The following ZNF462 variants were observed in gnomAD, a reference collection of about 807,000 sequenced individuals.
ZNF462 encodes the protein zinc finger protein 462.
Under a neutral mutation model 201.9 loss-of-function variants are expected in ZNF462, and 10 were observed. That is an observed-to-expected ratio of 0.05 (90% CI 0.03 to 0.08). ZNF462 has a LOEUF of 0.08. Ranked by LOEUF, ZNF462 falls within the 10% of genes least tolerant of loss-of-function variation. The pLI, the probability that ZNF462 is intolerant of heterozygous loss-of-function variation, is 1.00. For missense variants in ZNF462, 2,523 were observed against 3,168.3 expected, an observed-to-expected ratio of 0.80 and a Z score of 4.89; for synonymous variants, 1,227 against 1,193.3, an observed-to-expected ratio of 1.03 and a Z score of -0.58.
In ZNF462 at chr9:106,929,169, T is replaced by TC; in HGVS notation, c.5261dup (p.Gln1755SerfsTer60). ...CATCCCATCCCCGCCCAAGGACGAC[T>TC]CCCCTCAGCTGAGCGAGGAACTCCG... is the stretch of plus-strand genomic sequence containing the variant. On this transcript the variant is annotated frameshift_variant, in exon 3 of 13. Transcript: ENST00000277225. LOFTEE classifies it high-confidence loss of function. The surrounding 1 kb of genome is among the most constrained non-coding windows in gnomAD (Gnocchi z 8.7). The TC allele has an allele frequency of 6.2e-7, 1 of 1,613,940 alleles. No individual in the cohort carries two copies. The highest frequency in any genetic ancestry group is 8.5e-7 in the Non-Finnish European group (1 of 1,179,980).
rs745668604 is a variant in ZNF462, at chr9:106,872,251, T to C, written c.-31+8896T>C. Among the ~76,000 whole-genome samples, 1 of 152,242 alleles carries C rather than the reference T, an allele frequency of 6.6e-6. No homozygotes were observed. Among genetic ancestry groups the C allele is most frequent in the Non-Finnish European group, 1.5e-5 (1 of 68,048 alleles). ...GATAGATACCAGCTACAAGTACTTATCACCCAGAATCTTTTCTCTTCAGTG... is the reference window on the plus strand; with the variant it reads ...GATAGATACCAGCTACAAGTACTTACCACCCAGAATCTTTTCTCTTCAGTG... On this transcript the variant is annotated intron_variant, in intron 1 of 12. Transcript: ENST00000277225. The surrounding 1 kb of genome is among the most constrained non-coding windows in gnomAD (Gnocchi z 4.5).
chr9:107,007,414 C>G (rs925454594), intron 11 of ZNF462, among the ~76,000 whole-genome samples: 1 of 152,162 alleles, frequency 6.6e-6, no homozygotes, highest in Non-Finnish European at 1.5e-5. Flanking sequence ...AGGGTCTCCT[C>G]TTCTCACTGG....
Position 106,938,786 on chromosome 9 carries a change from G to A in ZNF462, c.6236-130G>A, listed in dbSNP as rs923622564. 2 of 985,244 alleles carry A rather than the reference G, an allele frequency of 2.0e-6. No individual in the cohort carries two copies. The highest frequency in any genetic ancestry group is 2.9e-6 in the Non-Finnish European group (2 of 678,664). 61.0% of individuals were successfully genotyped at this position (985,244 alleles called of 1,614,324 possible). A position where few individuals can be genotyped will look rare whatever the true frequency, so the allele number is the denominator to read the frequency against. On this transcript the variant is annotated intron_variant, in intron 6 of 12. Transcript: ENST00000277225. This position sits in a 1 kb window ranked among gnomAD's most constrained non-coding sequence, Gnocchi z 4.4. ...GGCAGGTTGTTGGTCTGTGAGGTTC[G>A]TTCATAGAACATGAAGCTTGAGATG...
chr9:106,958,203 T>C (rs1472794527), intron 7 of ZNF462, among the ~76,000 whole-genome samples: 1 of 149,008 alleles, frequency 6.7e-6, no homozygotes, highest in Non-Finnish European at 1.5e-5. Context: ...AAGCCTCCTT[T>C]CCCATCTGAG....
At chr9:107,004,755 T>C (rs757360891) in intron 11 of ZNF462, among the ~76,000 whole-genome samples, 41 of 152,164 alleles carry the variant, frequency 2.7e-4, no homozygotes, top group Non-Finnish European at 5.1e-4. Context: ...CTCTTAGCAA[T>C]TGTCAGGTAT....
chr9:106,965,791 A>G (rs6477551), intron 7 of ZNF462, among the ~76,000 whole-genome samples: 41,942 of 152,006 alleles, frequency 0.28, 9,068 homozygotes, highest in African/African-American at 0.61. Context: ...CCATTGCAGA[A>G]TTCTGTTTCT....
In ZNF462 at chr9:106,923,250, A is replaced by G; in HGVS notation, c.-30-104A>G. ...TGGCAAAGTCCAATAAGAGAAATCT[A>G]CTGATACTGGAATTTTTTCCCATTA... On this transcript the variant is annotated intron_variant, in intron 1 of 12. Transcript: ENST00000277225. This position sits in a 1 kb window ranked among gnomAD's most constrained non-coding sequence, Gnocchi z 5.6. The G allele has an allele frequency of 2.5e-6, 2 of 791,666 alleles. No homozygotes were observed. Among genetic ancestry groups the G allele is most frequent in the Non-Finnish European group, 4.1e-6 (2 of 484,272 alleles). The allele number at this position is 791,666 out of a possible 1,614,324, so 49.0% of individuals were successfully genotyped here.
chr9:106,924,349 G>T lies in ZNF462; in HGVS notation c.437G>T (p.Gly146Val), dbSNP rs776197342. 1.2e-5 allele frequency: 20 copies of T among 1,613,990 alleles called. No individual in the cohort carries two copies. Among genetic ancestry groups the T allele is most frequent in the Non-Finnish European group, 1.1e-5 (13 of 1,180,044 alleles). The change falls in exon 3 of 13, where the codon GGA becomes GTA. Residue 146 changes from glycine (G) to valine (V), a missense_variant. Gly to Val is a moderately radical substitution (Grantham distance 109). Transcript: ENST00000277225. The surrounding 1 kb of genome is among the most constrained non-coding windows in gnomAD (Gnocchi z 6.2). Reference protein sequence around the residue: ...EGSSSGPPVPGSLNYNIMMHE... With the variant: ...EGSSSGPPVPVSLNYNIMMHE... ...AGTTCATCAGGACCCCCTGTCCCGG[G>T]ATCCTTAAATTATAATATCATGATG...
rs781596783 is a variant in ZNF462 at position 106,928,670 on chromosome 9, C to T, written c.4758C>T (p.His1586=). 14 of 1,614,022 alleles carry T rather than the reference C, an allele frequency of 8.7e-6. No individual in the cohort carries two copies. The highest frequency in any genetic ancestry group is 1.7e-5 in the Admixed American group (1 of 60,004). The change falls in exon 3 of 13, where the codon CAC becomes CAT. Residue 1586 remains histidine (H), a synonymous_variant. Transcript: ENST00000277225. The surrounding 1 kb of genome is among the most constrained non-coding windows in gnomAD (Gnocchi z 9.3). ...GGTGCAAACTGTGTCCGTACACACA[C>T]GGCACTTTGGAGAAACTAAAAATCC... The part of the protein sequence containing the change: ...AYRCKLCPYT[H]GTLEKLKIHY...
At chr9:106,960,423 T>C (rs1468306568) in intron 7 of ZNF462, among the ~76,000 whole-genome samples, 1 of 152,128 alleles carries the variant, frequency 6.6e-6, no homozygotes, top group Non-Finnish European at 1.5e-5. Flanking sequence ...CTGAGGTTGC[T>C]CACAAGCTCT....
At chr9:106,862,645 G>C (rs1432335022), upstream of ZNF462, among the ~76,000 whole-genome samples, 1 of 151,670 alleles carries the variant, frequency 6.6e-6, no homozygotes, top group Non-Finnish European at 1.5e-5. This position sits in a 1 kb window ranked among gnomAD's most constrained non-coding sequence, Gnocchi z 4.2. Context: ...CATCTCACTG[G>C]CCTGGCTCTG....
chr9:107,012,439 C>CTT lies in ZNF462; in HGVS notation c.*1433_*1434dup, dbSNP rs962253808. Reference sequence around the variant, plus strand: ...GCCTGGAGAACTACTTTCTTTCTTTCTTTTTTTTTTTTTTTTTTTTTTTTT... The same window carrying CTT: ...GCCTGGAGAACTACTTTCTTTCTTTCTTTTTTTTTTTTTTTTTTTTTTTTTTT... On this transcript the variant is annotated 3_prime_UTR_variant, in exon 13 of 13. Transcript: ENST00000277225. 0.035 allele frequency: 3,015 copies of CTT among 86,360 alleles called. 164 individuals carry two copies. Among genetic ancestry groups the CTT allele is most frequent in the African/African-American group, 0.11 (2,653 of 23,588 alleles). The allele number at this position is 86,360 out of a possible 1,614,324, so 5.3% of individuals were successfully genotyped here. A position where few individuals can be genotyped will look rare whatever the true frequency, so the allele number is the denominator to read the frequency against.
In ZNF462 at chr9:106,941,214, T is replaced by C. The variant is rs189222744; in HGVS notation, c.6427+2107T>C. Among the ~76,000 whole-genome samples the C allele has an allele frequency of 8.5e-4, 129 of 152,328 alleles. 2 individuals carry two copies. The highest frequency in any genetic ancestry group is 3.3e-4 in the Admixed American group (5 of 15,302). On this transcript the variant is annotated intron_variant, in intron 7 of 12. Coordinates refer to ENST00000277225, the MANE Select transcript of ZNF462 (RefSeq NM_021224.6). The stretch of plus-strand genomic sequence containing the variant: ...TTATACTCTTGAGCCTGTACTCTCT[T>C]CTGAGGGCTGTACTATGCACGGAAG...
At chr9:106,931,510 C>T (rs1324607454) in intron 4 of ZNF462, among the ~76,000 whole-genome samples, 1 of 152,188 alleles carries the variant, frequency 6.6e-6, no homozygotes, top group African/African-American at 2.4e-5. Flanking sequence ...AAGATAAAGT[C>T]TCTACTTTTC....
intron 7 of ZNF462, among the ~76,000 whole-genome samples, chr9:106,944,392 T>A (rs1831013657): frequency 6.6e-6 from 1 of 152,164 alleles, no homozygotes; most frequent in South Asian, 2.1e-4. Context: ...TGAGACTCAG[T>A]TTTTCTAAAC....
intron 1 of ZNF462, among the ~76,000 whole-genome samples, chr9:106,889,258 C>G (rs969444617): frequency 2.6e-5 from 4 of 152,204 alleles, no homozygotes; most frequent in Non-Finnish European, 5.9e-5. Context: ...AAAGGGAGGC[C>G]TCAGAAATGC....
At chr9:106,873,563 T>G (rs1211267674) in intron 1 of ZNF462, among the ~76,000 whole-genome samples, 1 of 152,216 alleles carries the variant, frequency 6.6e-6, no homozygotes, top group Non-Finnish European at 1.5e-5. Context: ...GTTCTATTCT[T>G]TAATGGTCAT....
chr9:107,000,707 C>T (rs1004579889), intron 10 of ZNF462, among the ~76,000 whole-genome samples: 2 of 152,084 alleles, frequency 1.3e-5, no homozygotes, highest in Non-Finnish European at 2.9e-5. Context: ...GTGAAAATGT[C>T]ATGTACTATT....
chr9:106,878,578 A>G (rs572001244), intron 1 of ZNF462, among the ~76,000 whole-genome samples: 61 of 152,342 alleles, frequency 4.0e-4, no homozygotes, highest in African/African-American at 1.4e-3. Flanking sequence ...GGTCAAACCC[A>G]GGGGATATGA....
Sources: allele counts gnomAD v4.1 joint callset (sites outside exome capture counted in the v4.1 genomes callset), GRCh38; gene constraint gnomAD v4.1.1; non-coding constraint Gnocchi (gnomAD v3.1); transcripts MANE v1.5; gene names NCBI Gene and HGNC (gene_info 2026-07-23, HGNC 2026-07-21).